Variants in PRPF40B observed in about 807,000 individuals in gnomAD.
PRPF40B encodes pre-mRNA-processing factor 40 homolog B.
Under a neutral mutation model 124.5 loss-of-function variants are expected in PRPF40B, and 56 were observed. That is an observed-to-expected ratio of 0.45 (90% CI 0.36 to 0.56). The LOEUF (loss-of-function observed/expected upper bound fraction) is 0.56. PRPF40B is among the 20% of genes least tolerant of loss of function. The probability of loss-of-function intolerance (pLI) is 0.00; values close to 1 mark genes in which losing one functional copy is unlikely to be tolerated. For synonymous variants in PRPF40B, 443 were observed against 426.4 expected (o/e 1.04, Z -0.48); for missense variants, 1,053 against 1,169.5 (o/e 0.90, Z 1.45).
chr12:49,632,031 C>T, intron 4 of PRPF40B, 106 bp downstream of exon 4: 3 of 1,128,208 alleles, frequency 2.7e-6, no homozygotes, highest in Non-Finnish European at 4.0e-6. Context: ...CTCATCGCAT[C>T]CACCCAGGTC....
chr12:49,632,347 G>C, intron 4 of PRPF40B: 1 of 572,482 alleles, frequency 1.7e-6, no homozygotes, highest in South Asian at 2.4e-5. Context: ...GTGAAGGAAT[G>C]AGCCTCGGGA....
intron 1 of PRPF40B, among the ~76,000 whole-genome samples, chr12:49,628,115 C>T (rs897908805): frequency 6.6e-6 from 1 of 152,118 alleles, no homozygotes; most frequent in African/African-American, 2.4e-5. Context: ...TTCTGACTTC[C>T]CATGCTGAGG....
upstream of PRPF40B, chr12:49,623,442 C>T (rs900102716): frequency 1.1e-4 from 94 of 828,044 alleles, no homozygotes; most frequent in African/African-American, 1.5e-3. Flanking sequence ...CCGGTTGGGG[C>T]CCCGCTCGCC....
At chr12:49,638,616 CAAAG>C (rs1333815690) in intron 18 of PRPF40B, 1 of 152,110 alleles carries the variant, frequency 6.6e-6, no homozygotes, top group Non-Finnish European at 1.5e-5. Flanking sequence ...AAGAAAAAAA[CAAAG>C]AGCATATTTC....
In PRPF40B at chr12:49,643,725, GA is replaced by G; in HGVS notation, c.2419del (p.Thr807LeufsTer66). 1 of 1,614,108 alleles carries G rather than the reference GA, an allele frequency of 6.2e-7. No homozygotes were observed. The highest frequency in any genetic ancestry group is 8.5e-7 in the Non-Finnish European group (1 of 1,180,002). ...GLRKAKKPKK[K>X]TKKRRHKSNS... ...TTCGGAAAGCCAAGAAACCAAAAAAGAAAACTAAGAAGAGAAGACACAAGTC... is the reference window on the plus strand; with the variant it reads ...TTCGGAAAGCCAAGAAACCAAAAAAGAAACTAAGAAGAGAAGACACAAGTC... On this transcript the variant is annotated frameshift_variant, in exon 24 of 26. Coordinates refer to ENST00000548825, the MANE Select transcript of PRPF40B (RefSeq NM_001031698.3). LOFTEE classifies it high-confidence loss of function.
intron 22 of PRPF40B, 63 bp downstream of exon 22, chr12:49,643,079 T>C: frequency 7.5e-6 from 12 of 1,596,844 alleles, no homozygotes; most frequent in South Asian, 1.1e-5. Flanking sequence ...ATAAACACTT[T>C]GTTTTCCCCT....
At chr12:49,641,843 C>T (rs1942701311) in intron 18 of PRPF40B, 65 bp from the exon 19 acceptor site, 2 of 1,384,094 alleles carry the variant, frequency 1.4e-6, no homozygotes, top group Non-Finnish European at 1.0e-6. Flanking sequence ...AATGTGACCA[C>T]TCTGCCTGCC....
chr12:49,632,996 G>GGGGGCCCCCCC lies in PRPF40B; in HGVS notation c.349-18_349-17insGGGGCCCCCCC. On this transcript the variant is annotated splice_polypyrimidine_tract_variant and intron_variant, in intron 6 of 25. Coordinates refer to ENST00000548825, the MANE Select transcript of PRPF40B (RefSeq NM_001031698.3). ...AAAGGGGCCTTGACCACCATTCTGT[G>GGGGGCCCCCCC]CCCCCCCCCCCACCCAGAGGGCCCT... 1 of 1,147,394 alleles carries GGGGGCCCCCCC rather than the reference G, an allele frequency of 8.7e-7. No individual in the cohort carries two copies. Among genetic ancestry groups the GGGGGCCCCCCC allele is most frequent in the Non-Finnish European group, 1.2e-6 (1 of 823,008 alleles). The allele number at this position is 1,147,394 out of a possible 1,614,324, so 71.1% of individuals were successfully genotyped here. A position where few individuals can be genotyped will look rare whatever the true frequency, so the allele number is the denominator to read the frequency against.
intron 25 of PRPF40B, 43 bp downstream of exon 25, chr12:49,644,047 C>T (rs373063136): frequency 2.2e-5 from 35 of 1,614,170 alleles, no homozygotes; most frequent in Non-Finnish European, 2.9e-5. Context: ...GCTGGTCAAG[C>T]TTCCACGGCC....
chr12:49,627,681 A>G (rs1040417397), intron 1 of PRPF40B, among the ~76,000 whole-genome samples: 1 of 152,166 alleles, frequency 6.6e-6, no homozygotes, highest in Non-Finnish European at 1.5e-5. Flanking sequence ...GTGGGAAGCC[A>G]TTGAAGAGTT....
rs973535506 is a variant in PRPF40B, at chr12:49,631,030, G to A, written c.85-371G>A. ...AGAAAGGGATGGGAGGCAGGGGACT[G>A]GGGTACTTGGGTACCTGGATACCTG... On this transcript the variant is annotated intron_variant, in intron 2 of 25. Coordinates refer to ENST00000548825, the MANE Select transcript of PRPF40B (RefSeq NM_001031698.3). This position sits in a 1 kb window ranked among gnomAD's most constrained non-coding sequence, Gnocchi z 4.3. 6.6e-6 allele frequency among the ~76,000 whole-genome samples: 1 copy of A among 152,210 alleles called. No individual in the cohort carries two copies. The highest frequency in any genetic ancestry group is 2.4e-5 in the African/African-American group (1 of 41,440).
At chr12:49,633,797 G>T (rs1941476624) in intron 9 of PRPF40B, 89 bp from the exon 10 acceptor site, 2 of 1,605,958 alleles carry the variant, frequency 1.2e-6, no homozygotes, top group African/African-American at 2.7e-5. Context: ...TCTGGCCCCA[G>T]TCCTTCCCAG....
At chr12:49,623,077 T>G (rs1365828001), upstream of PRPF40B, among the ~76,000 whole-genome samples, 1 of 151,076 alleles carries the variant, frequency 6.6e-6, no homozygotes, top group Admixed American at 6.6e-5. Context: ...TTTTCCAAGC[T>G]GCTGTGTGCT....
rs2138351792 is a variant in PRPF40B, at chr12:49,623,566, G to A, written c.-25G>A. ...CTCTTACTGGCGGGTGGGCTGAGCCGGCCCAGCTGCTCGGAGGCTCTGGCA... is the reference window on the plus strand; with the variant it reads ...CTCTTACTGGCGGGTGGGCTGAGCCAGCCCAGCTGCTCGGAGGCTCTGGCA... On this transcript the variant is annotated 5_prime_UTR_variant, in exon 1 of 26. Transcript: ENST00000548825. The A allele has an allele frequency of 1.6e-6, 2 of 1,237,192 alleles. No individual in the cohort carries two copies. The highest frequency in any genetic ancestry group is 7.5e-5 in the South Asian group (2 of 26,666). The allele number at this position is 1,237,192 out of a possible 1,614,324, so 76.6% of individuals were successfully genotyped here.
At chr12:49,641,601 A>G in intron 18 of PRPF40B, 1 of 357,424 alleles carries the variant, frequency 2.8e-6, no homozygotes, top group Non-Finnish European at 5.2e-6. Context: ...AGGAGGGCCC[A>G]GCTGGGGCCA....
chr12:49,632,524 AT>A, intron 4 of PRPF40B, 71 bp from the exon 5 acceptor site: 1 of 1,487,924 alleles, frequency 6.7e-7, no homozygotes, highest in Non-Finnish European at 9.1e-7. Context: ...CTGCTTCTCC[AT>A]CCCCCATGGC....
At position 49,644,403 on chromosome 12, in the gene PRPF40B, A is replaced by G; in HGVS notation, c.*211A>G. On this transcript the variant is annotated 3_prime_UTR_variant, in exon 26 of 26. Transcript: ENST00000548825. ...CTGGACTAGTGCAGTCCTTGCCCTC[A>G]GCCCCAGACCAGAGATGGGTGGTAT... 3.4e-6 allele frequency: 2 copies of G among 591,432 alleles called. No homozygotes were observed. The highest frequency in any genetic ancestry group is 1.9e-5 in the South Asian group (1 of 51,454). The allele number at this position is 591,432 out of a possible 1,614,324, so 36.6% of individuals were successfully genotyped here.
Position 49,643,683 on chromosome 12 carries a change from A to C in PRPF40B, c.2381-8A>C, listed in dbSNP as rs375334697. 1.1e-5 allele frequency: 18 copies of C among 1,612,612 alleles called. No individual in the cohort carries two copies. In the East Asian group the frequency reaches 2.7e-4, roughly 24 times the overall value. On this transcript the variant is annotated splice_region_variant and splice_polypyrimidine_tract_variant and intron_variant, in intron 23 of 25. Coordinates refer to ENST00000548825, the MANE Select transcript of PRPF40B (RefSeq NM_001031698.3). ...GTTGGGACTTAGTAGGGATTTTTCT[A>C]TCTCTAGATCATGGCCTTCGGAAAG... is the stretch of plus-strand genomic sequence containing the variant.
intron 16 of PRPF40B, 75 bp downstream of exon 16, chr12:49,636,924 C>A (rs115064935): frequency 1.9e-6 from 3 of 1,599,408 alleles, no homozygotes; most frequent in South Asian, 1.1e-5. Flanking sequence ...TTCCCTGCCC[C>A]CTTCTGGATA....
Sources: allele counts gnomAD v4.1 joint callset (sites outside exome capture counted in the v4.1 genomes callset), GRCh38; gene constraint gnomAD v4.1.1; non-coding constraint Gnocchi (gnomAD v3.1); transcripts MANE v1.5; gene names NCBI Gene and HGNC (gene_info 2026-07-23, HGNC 2026-07-21).